The following ACACB variants were observed in gnomAD, a reference collection of about 807,000 sequenced individuals.
ACACB encodes the protein acetyl-CoA carboxylase 2.
ACACB carries 209 observed loss-of-function variants against 278.8 expected under a neutral mutation model. That is an observed-to-expected ratio of 0.75 (90% CI 0.67 to 0.84). The LOEUF (loss-of-function observed/expected upper bound fraction) is 0.84, where lower values mean the gene tolerates loss of function less well. Ranked by LOEUF, ACACB falls within the 40% of genes least tolerant of loss-of-function variation. The pLI, the probability that ACACB is intolerant of heterozygous loss-of-function variation, is 0.00. For missense variants in ACACB, 2,850 were observed against 3,269.0 expected (o/e 0.87, Z 3.13); for synonymous variants, 1,174 against 1,285.6 (o/e 0.91, Z 1.86).
intron 15 of ACACB, among the ~76,000 whole-genome samples, chr12:109,192,256 T>C (rs906567633): frequency 1.4e-4 from 22 of 152,048 alleles, no homozygotes; most frequent in African/African-American, 4.8e-4. Context: ...AGGAGGTGGA[T>C]TTGGGAAGCA....
In ACACB at chr12:109,266,876, T is replaced by A. The variant is rs1451603712; in HGVS notation, c.*514T>A. 1 of 151,476 alleles carries A rather than the reference T, an allele frequency of 6.6e-6. No individual in the cohort carries two copies. The highest frequency in any genetic ancestry group is 6.6e-5 in the Admixed American group (1 of 15,162). The allele number at this position is 151,476 out of a possible 1,614,324, so 9.4% of individuals were successfully genotyped here. A position where few individuals can be genotyped will look rare whatever the true frequency, so the allele number is the denominator to read the frequency against. Reference sequence around the variant, plus strand: ...TGTAATGATGTTTCTTTGGATACTGTCTAGTCACCCAGAAAAATGTATGGA... The same window carrying A: ...TGTAATGATGTTTCTTTGGATACTGACTAGTCACCCAGAAAAATGTATGGA... On this transcript the variant is annotated 3_prime_UTR_variant, in exon 53 of 53. Transcript: ENST00000338432.
chr12:109,252,931 T>A, intron 42 of ACACB, 84 bp from the exon 43 acceptor site: 1 of 1,335,478 alleles, frequency 7.5e-7, no homozygotes. Context: ...GTAGCCAGGA[T>A]TGAGAAGCAC....
Position 109,264,355 on chromosome 12 carries a change from C to T in ACACB, c.6911C>T (p.Pro2304Leu). The change falls in exon 50 of 53, where the codon CCC becomes CTC. Residue 2304 changes from proline (P) to leucine (L), a missense_variant. Around this residue, in one of 3 missense-constraint regions of ACACB, gnomAD observed 579 missense variants for 684.6 expected, o/e 0.85. Coordinates refer to ENST00000338432, the MANE Select transcript of ACACB (RefSeq NM_001093.4). The stretch of plus-strand genomic sequence containing the variant: ...CAGTTCGCCGACTTCCATGACACAC[C>T]CGGCCGGATGCTGGAGAAGGGCGTC... Reference protein sequence around the residue: ...AVQFADFHDTPGRMLEKGVIS... With the variant: ...AVQFADFHDTLGRMLEKGVIS... 1 of 1,614,050 alleles carries T rather than the reference C, an allele frequency of 6.2e-7. No individual in the cohort carries two copies. The highest frequency in any genetic ancestry group is 8.5e-7 in the Non-Finnish European group (1 of 1,180,008).
chr12:109,178,971 T>C (rs1224218301), intron 9 of ACACB, 117 bp from the exon 10 acceptor site: 1 of 927,156 alleles, frequency 1.1e-6, no homozygotes, highest in African/African-American at 1.6e-5. Context: ...AGCAGAGTCC[T>C]GGATGAGTAC....
intron 24 of ACACB, among the ~76,000 whole-genome samples, chr12:109,219,064 G>A (rs1197866799): frequency 1.3e-5 from 2 of 152,236 alleles, no homozygotes; most frequent in East Asian, 3.9e-4. Context: ...ACCACGCCCG[G>A]CCTGGCAACT....
At chr12:109,201,759 C>T (rs958738532) in intron 19 of ACACB, 58 bp downstream of exon 19, 4 of 1,590,614 alleles carry the variant, frequency 2.5e-6, no homozygotes, top group Non-Finnish European at 3.4e-6. Flanking sequence ...GTGACCTCCA[C>T]TGGTTCAGTG....
In ACACB at chr12:109,188,179, T is replaced by G; in HGVS notation, c.2144+17T>G. ...GGCCATTTCGTCAGTATCTCCTTCC[T>G]TCCTTCCTTCCTTCCTTCCTTCCTT... On this transcript the variant is annotated intron_variant, in intron 13 of 52. Transcript: ENST00000338432. 4.5e-6 allele frequency: 1 copy of G among 223,778 alleles called. No individual in the cohort carries two copies. Among genetic ancestry groups the G allele is most frequent in the Non-Finnish European group, 7.2e-6 (1 of 138,136 alleles). 13.9% of individuals were successfully genotyped at this position (223,778 alleles called of 1,614,324 possible).
chr12:109,131,365 A>G (rs1593369361), intron 1 of ACACB: 1 of 152,434 alleles, frequency 6.6e-6, no homozygotes, highest in African/African-American at 2.4e-5. Context: ...TCCCTTAGTC[A>G]CCCTGTGGGC....
intron 2 of ACACB, among the ~76,000 whole-genome samples, chr12:109,160,348 G>C (rs958239789): frequency 1.3e-5 from 2 of 152,128 alleles, no homozygotes; most frequent in African/African-American, 4.8e-5. Flanking sequence ...CTGAACCTCG[G>C]TTTCCTCATC....
chr12:109,206,649 C>G lies in ACACB; in HGVS notation c.2914-61C>G, dbSNP rs536301579. 1.9e-6 allele frequency: 3 copies of G among 1,601,348 alleles called. No individual in the cohort carries two copies. The East Asian group carries it at 6.7e-5, about 36-fold the overall frequency. On this transcript the variant is annotated intron_variant, in intron 19 of 52. Transcript: ENST00000338432. ...AGATCTGTCCTGCCTCCCGTTCTGC[C>G]CGGTCCCATTTGGAATTCCCAGAGT...
At chr12:109,186,475 C>T (rs144521064) in intron 12 of ACACB, among the ~76,000 whole-genome samples, 267 of 152,230 alleles carry the variant, frequency 1.8e-3, no homozygotes, top group Non-Finnish European at 3.3e-3. Context: ...GATTTCTGGC[C>T]CCGTGTGCTT....
intron 21 of ACACB, among the ~76,000 whole-genome samples, chr12:109,210,255 A>ATATC (rs373367726): frequency 0.42 from 6,781 of 16,048 alleles, 2,267 homozygotes; most frequent in East Asian, 0.49. Context: ...ATATACACAC[A>ATATC]TGTGTGTATA....
At chr12:109,180,164 C>T (rs2044419348) in intron 11 of ACACB, 77 bp downstream of exon 11, 1 of 1,471,960 alleles carries the variant, frequency 6.8e-7, no homozygotes, top group African/African-American at 1.4e-5. Context: ...ATTAGTCCAT[C>T]CCGCCCATCT....
In ACACB at chr12:109,179,145, C is replaced by T. The variant is rs978164597; in HGVS notation, c.1495C>T (p.Arg499Cys). Reference sequence around the variant, plus strand: ...TCTCATGAAGCTGGCCCAGCACGCCCGTCACCTGGAAGTTCAGATCCTCGC... The same window carrying T: ...TCTCATGAAGCTGGCCCAGCACGCCTGTCACCTGGAAGTTCAGATCCTCGC... ...IFLMKLAQHA[R>C]HLEVQILADQ... is the part of the protein sequence containing the mutation. The change falls in exon 10 of 53, where the codon CGT (arginine) becomes TGT (cysteine). Residue 499 changes from arginine to cysteine, a missense_variant. Coordinates refer to ENST00000338432, the MANE Select transcript of ACACB (RefSeq NM_001093.4). 26 of 1,613,890 alleles carry T rather than the reference C, an allele frequency of 1.6e-5. No individual in the cohort carries two copies. Among genetic ancestry groups the T allele is most frequent in the Admixed American group, 8.3e-5 (5 of 59,986 alleles).
At chr12:109,233,572 T>C (rs965702442) in intron 29 of ACACB, among the ~76,000 whole-genome samples, 176 bp from the exon 30 acceptor site, 2 of 152,136 alleles carry the variant, frequency 1.3e-5, no homozygotes, top group African/African-American at 4.8e-5. Context: ...CCATCACGGG[T>C]GCTCTGGACA....
intron 10 of ACACB, chr12:109,179,503 T>C (rs1241607444): frequency 3.2e-6 from 2 of 627,524 alleles, no homozygotes; most frequent in Non-Finnish European, 5.5e-6. Context: ...CTTTTCTTTT[T>C]TGAGACAGAG....
In ACACB at chr12:109,265,655, C is replaced by A. The variant is rs1249149089; in HGVS notation, c.7250+130C>A. 8.8e-6 allele frequency: 10 copies of A among 1,132,140 alleles called. No individual in the cohort carries two copies. In the Admixed American group the frequency reaches 1.3e-4, roughly 15 times the overall value. 70.1% of individuals were successfully genotyped at this position (1,132,140 alleles called of 1,614,324 possible). ...GTGCAGTCTGGGGTTGTCCCCGCCC[C>A]CTCCCCGCTCCCCAGCAAAGAGACC... On this transcript the variant is annotated intron_variant, in intron 52 of 52. Transcript: ENST00000338432.
chr12:109,219,055 C>T (rs748367838), intron 24 of ACACB, among the ~76,000 whole-genome samples: 5 of 152,160 alleles, frequency 3.3e-5, no homozygotes, highest in Non-Finnish European at 7.3e-5. Flanking sequence ...ACATGAGCCA[C>T]CACGCCCGGC....
At chr12:109,259,382 G>C (rs1362128068) in intron 47 of ACACB, among the ~76,000 whole-genome samples, 1 of 151,982 alleles carries the variant, frequency 6.6e-6, no homozygotes, top group African/African-American at 2.4e-5. Flanking sequence ...AGACCAGCCT[G>C]GGGCAGTATA....
Sources: allele counts gnomAD v4.1 joint callset (sites outside exome capture counted in the v4.1 genomes callset), GRCh38; gene constraint gnomAD v4.1.1; regional missense constraint gnomAD v4.1.1; transcripts MANE v1.5; gene names NCBI Gene and HGNC (gene_info 2026-07-23, HGNC 2026-07-21).